ATAT1: variants seen among roughly 807,000 people sequenced by gnomAD.
ATAT1 encodes the protein alpha-tubulin N-acetyltransferase 1.
In ATAT1, 42 loss-of-function variants were observed where a neutral mutation model predicts 57.2. The ratio of observed to expected loss-of-function variants is 0.73; its 90% CI spans 0.57 to 0.95. ATAT1 has a LOEUF of 0.95. Ranked by LOEUF, ATAT1 falls within the 40% of genes least tolerant of loss-of-function variation. The probability of loss-of-function intolerance (pLI) is 0.00; values close to 1 mark genes in which losing one functional copy is unlikely to be tolerated. For synonymous variants in ATAT1, 168 were observed against 187.1 expected (o/e 0.90, Z 0.83); for missense variants, 454 against 523.7 (o/e 0.87, Z 1.30).
Position 30,642,833 on chromosome 6 carries a change from G to GGGGGGGCGGCC in ATAT1, c.754_755insGGGGGGCGGCC (p.Ala252GlyfsTer71). ...GGCCCCTCGCCGCGCCACACCTCCA[G>GGGGGGGCGGCC]CCCACCCACCCCCCCGCTCCAGCAG... On this transcript the variant is annotated frameshift_variant, in exon 10 of 13. Coordinates refer to ENST00000330083, the MANE Select transcript of ATAT1 (RefSeq NM_001031722.4). LOFTEE classifies it high-confidence loss of function. The GGGGGGGCGGCC allele has an allele frequency of 3.3e-6, 5 of 1,537,870 alleles. No individual in the cohort carries two copies. Among genetic ancestry groups the GGGGGGGCGGCC allele is most frequent in the African/African-American group, 1.6e-5 (1 of 61,252 alleles).
chr6:30,626,954 G>C lies in ATAT1; in HGVS notation c.-250G>C. ...TCACGGTGCTGGACCAGCACCTGAG[G>C]CCCCCAGCCCGCCGACCCGGAACCA... On this transcript the variant is annotated 5_prime_UTR_variant, in exon 1 of 13. Coordinates refer to ENST00000330083, the MANE Select transcript of ATAT1 (RefSeq NM_001031722.4). 6.2e-7 allele frequency: 1 copy of C among 1,606,684 alleles called. No individual in the cohort carries two copies. Among genetic ancestry groups the C allele is most frequent in the South Asian group, 1.1e-5 (1 of 89,980 alleles).
At position 30,627,237 on chromosome 6, in the gene ATAT1, A is replaced by G. The variant is rs763589385; in HGVS notation, c.34A>G (p.Ile12Val). ...GACCTGGCCTTTCTGCTTCCTCACAATAACCTTAAGGGAGGAGGGAGTGTG... is the reference window on the plus strand; with the variant it reads ...GACCTGGCCTTTCTGCTTCCTCACAGTAACCTTAAGGGAGGAGGGAGTGTG... Residue 12 changes from isoleucine to valine, a missense_variant, in exon 1 of 13, where the codon ATA becomes GTA. Coordinates refer to ENST00000330083, the MANE Select transcript of ATAT1 (RefSeq NM_001031722.4). 5.0e-6 allele frequency: 8 copies of G among 1,613,874 alleles called. No homozygotes were observed. The highest frequency in any genetic ancestry group is 5.9e-6 in the Non-Finnish European group (7 of 1,179,850).
intron 6 of ATAT1, among the ~76,000 whole-genome samples, chr6:30,639,691 A>G (rs1050055395): frequency 3.2e-4 from 48 of 150,698 alleles, no homozygotes; most frequent in Admixed American, 4.6e-4. Context: ...GTTAGCCAGG[A>G]TGGTCTCGAT....
intron 6 of ATAT1, among the ~76,000 whole-genome samples, chr6:30,636,220 G>A (rs1418758845): frequency 1.3e-5 from 2 of 152,164 alleles, no homozygotes; most frequent in African/African-American, 4.8e-5. Context: ...GCAAGTGTTT[G>A]TCAGGTGGAC....
intron 8 of ATAT1, among the ~76,000 whole-genome samples, chr6:30,641,361 T>C (rs1765404516): frequency 1.3e-5 from 2 of 152,196 alleles, no homozygotes; most frequent in Non-Finnish European, 2.9e-5. Flanking sequence ...CGCTTTGGTT[T>C]CCAAGGCTTC....
At chr6:30,631,934 T>C (rs1451316028) in intron 6 of ATAT1, among the ~76,000 whole-genome samples, 2 of 151,892 alleles carry the variant, frequency 1.3e-5, no homozygotes, top group Non-Finnish European at 2.9e-5. Flanking sequence ...CGGAGGAGTA[T>C]GGTAGGAGAT....
At position 30,640,423 on chromosome 6, in the gene ATAT1, G is replaced by A. The variant is rs773787831; in HGVS notation, c.547+1G>A. 4 of 1,612,802 alleles carry A rather than the reference G, an allele frequency of 2.5e-6. No homozygotes were observed. Among genetic ancestry groups the A allele is most frequent in the African/African-American group, 1.3e-5 (1 of 74,856 alleles). On this transcript the variant is annotated splice_donor_variant, in intron 7 of 12. Transcript: ENST00000330083. LOFTEE classifies it high-confidence loss of function. The stretch of plus-strand genomic sequence containing the variant: ...GAAGGCTTCTTTGCCCATCAACATC[G>A]TAAGTTTTTGCATTTTGTTGGTCAC...
rs1435030086 is a variant in ATAT1 at position 30,646,636 on chromosome 6, C to G, written c.1223C>G (p.Pro408Arg). The G allele has an allele frequency of 5.8e-6, 9 of 1,560,632 alleles. No homozygotes were observed. The highest frequency in any genetic ancestry group is 6.9e-6 in the Non-Finnish European group (8 of 1,152,300). ...CTGCAGGAACGTCGCAGCACCAGGC[C>G]TTGGTGACCGCAGCCCCGTCAAACA... The change falls in exon 13 of 13, where the codon CCT (proline) becomes CGT (arginine). Residue 408 changes from proline (P) to arginine (R), a missense_variant. By Grantham distance (103) the Pro-to-Arg change is moderately radical. Coordinates refer to ENST00000330083, the MANE Select transcript of ATAT1 (RefSeq NM_001031722.4).
At position 30,628,336 on chromosome 6, in the gene ATAT1, G is replaced by A. The variant is rs1401987064; in HGVS notation, c.407G>A (p.Arg136Gln). ...GTCTCCTTTTCCCTGCAGAAGGAGC[G>A]AGTGGAACCGCACCAACTGGCAATT... is the stretch of plus-strand genomic sequence containing the variant. The change falls in exon 6 of 13, where the codon CGA becomes CAA. Residue 136 changes from arginine (R) to glutamine (Q), a missense_variant. Physicochemically the swap from Arg to Gln is conservative, Grantham distance 43 (BLOSUM62 1). Around this residue, in one of 3 missense-constraint regions of ATAT1, gnomAD observed 236 missense variants for 284.5 expected, o/e 0.83. Transcript: ENST00000330083. The A allele has an allele frequency of 2.5e-6, 4 of 1,612,944 alleles. No homozygotes were observed. The highest frequency in any genetic ancestry group is 1.7e-5 in the Admixed American group (1 of 60,006).
chr6:30,646,813 T>C lies in ATAT1; in HGVS notation c.*170T>C. 1.7e-6 allele frequency: 2 copies of C among 1,179,114 alleles called. No individual in the cohort carries two copies. The highest frequency in any genetic ancestry group is 2.3e-6 in the Non-Finnish European group (2 of 885,300). 73.0% of individuals were successfully genotyped at this position (1,179,114 alleles called of 1,614,324 possible). A position where few individuals can be genotyped will look rare whatever the true frequency, so the allele number is the denominator to read the frequency against. ...ACCAGACCAATAAAAGTATTTATTT[T>C]TATCACAAGAGCTGTTGAAAAATTT... On this transcript the variant is annotated 3_prime_UTR_variant, in exon 13 of 13. Coordinates refer to ENST00000330083, the MANE Select transcript of ATAT1 (RefSeq NM_001031722.4).
chr6:30,646,503 G>T lies in ATAT1; in HGVS notation c.1090G>T (p.Gly364Trp). The change falls in exon 13 of 13, where the codon GGG becomes TGG. Residue 364 changes from glycine (G) to tryptophan (W), a missense_variant. Gly to Trp is a radical substitution (Grantham distance 184). Coordinates refer to ENST00000330083, the MANE Select transcript of ATAT1 (RefSeq NM_001031722.4). ...TGAGGAGCAGGCCTTGTCACAGGAT[G>T]GGTCTGGGGAGAAGCCCATGCACAC... 1 of 1,597,120 alleles carries T rather than the reference G, an allele frequency of 6.3e-7. No homozygotes were observed.
chr6:30,645,879 C>T lies in ATAT1; in HGVS notation c.933-16C>T. ...TCCAGTAGCCTCCTCCCCATCATCT[C>T]CCATTTCTTCTACAGGGGGACTCCC... On this transcript the variant is annotated splice_polypyrimidine_tract_variant and intron_variant, in intron 10 of 12. Transcript: ENST00000330083. The T allele has an allele frequency of 6.8e-7, 1 of 1,469,842 alleles. No individual in the cohort carries two copies. Among genetic ancestry groups the T allele is most frequent in the Non-Finnish European group, 9.0e-7 (1 of 1,110,076 alleles). The allele number at this position is 1,469,842 out of a possible 1,614,324, so 91.0% of individuals were successfully genotyped here.
Position 30,642,833 on chromosome 6 carries a change from G to GGGGCGGGCCCCCCCCC in ATAT1, c.754_755insGGGCGGGCCCCCCCCC (p.Ala252GlyfsTer53). On this transcript the variant is annotated frameshift_variant, in exon 10 of 13. Coordinates refer to ENST00000330083, the MANE Select transcript of ATAT1 (RefSeq NM_001031722.4). LOFTEE classifies it high-confidence loss of function. ...GGCCCCTCGCCGCGCCACACCTCCA[G>GGGGCGGGCCCCCCCCC]CCCACCCACCCCCCCGCTCCAGCAG... 6.5e-7 allele frequency: 1 copy of GGGGCGGGCCCCCCCCC among 1,537,878 alleles called. No individual in the cohort carries two copies. Among genetic ancestry groups the GGGGCGGGCCCCCCCCC allele is most frequent in the Non-Finnish European group, 8.7e-7 (1 of 1,145,784 alleles).
chr6:30,641,666 A>G (rs1765486174), intron 8 of ATAT1: 1 of 552,230 alleles, frequency 1.8e-6, no homozygotes, highest in African/African-American at 2.1e-5. Context: ...TTTTAACCTA[A>G]TAAAACTTCA....
rs1765756294 is a variant in ATAT1, at chr6:30,642,782, G to A, written c.703G>A (p.Val235Met). The A allele has an allele frequency of 6.2e-7, 1 of 1,610,226 alleles. No individual in the cohort carries two copies. The highest frequency in any genetic ancestry group is 8.5e-7 in the Non-Finnish European group (1 of 1,178,596). Residue 235 changes from valine to methionine, a missense_variant, in exon 10 of 13, where the codon GTG becomes ATG. Physicochemically the swap from Val to Met is conservative, Grantham distance 21 (BLOSUM62 1). This residue lies in a region of ATAT1 where 2 missense variants were observed against 17.0 expected (regional missense o/e 0.12). Coordinates refer to ENST00000330083, the MANE Select transcript of ATAT1 (RefSeq NM_001031722.4). ...CCTGTCCCCAGTTCTGAAGGTAGCTGTGGAGCCTCCTTGGCCCCTAAACAG... is the reference window on the plus strand; with the variant it reads ...CCTGTCCCCAGTTCTGAAGGTAGCTATGGAGCCTCCTTGGCCCCTAAACAG...
Position 30,628,236 on chromosome 6 carries a change from C to T in ATAT1, c.399+91C>T, listed in dbSNP as rs1417691076. 2.0e-6 allele frequency: 3 copies of T among 1,530,540 alleles called. No individual in the cohort carries two copies. The African/African-American group carries it at 4.1e-5, about 21-fold the overall frequency. The allele number at this position is 1,530,540 out of a possible 1,614,324, so 94.8% of individuals were successfully genotyped here. A position where few individuals can be genotyped will look rare whatever the true frequency, so the allele number is the denominator to read the frequency against. On this transcript the variant is annotated intron_variant, in intron 5 of 12. Coordinates refer to ENST00000330083, the MANE Select transcript of ATAT1 (RefSeq NM_001031722.4). ...GCCCTGCCTCCCACCCCCCATGTTC[C>T]CATGTCATTCTATTCCCTTCCCAGG...
In ATAT1 at chr6:30,642,836, C is replaced by CCCCCCCCCCCCCCCCCCCCCCCCCCGG; in HGVS notation, c.757_758insCCCCCCCCCCCCCCCCCCCCCCCCCGG (p.His253delinsProProProProProProProProProAsp). ...CCCTCGCCGCGCCACACCTCCAGCC[C>CCCCCCCCCCCCCCCCCCCCCCCCCCGG]ACCCACCCCCCCGCTCCAGCAGCCT... On this transcript the variant is annotated protein_altering_variant, in exon 10 of 13. Coordinates refer to ENST00000330083, the MANE Select transcript of ATAT1 (RefSeq NM_001031722.4). The CCCCCCCCCCCCCCCCCCCCCCCCCCGG allele has an allele frequency of 1.6e-6, 1 of 615,862 alleles. No individual in the cohort carries two copies. 38.1% of individuals were successfully genotyped at this position (615,862 alleles called of 1,614,324 possible). A position where few individuals can be genotyped will look rare whatever the true frequency, so the allele number is the denominator to read the frequency against.
chr6:30,646,114 G>C lies in ATAT1; in HGVS notation c.1055+5G>C, dbSNP rs544806611. 1.1e-5 allele frequency: 18 copies of C among 1,607,254 alleles called. No homozygotes were observed. The highest frequency in any genetic ancestry group is 1.5e-5 in the Non-Finnish European group (18 of 1,176,790). On this transcript the variant is annotated splice_donor_5th_base_variant and intron_variant, in intron 12 of 12. Transcript: ENST00000330083. ...AGAACAGGAAACAAAGAATAGGTGA[G>C]GTCTAAACCCCTCCCCTAACAGCCT...
chr6:30,628,893 G>A (rs1045184177), intron 6 of ATAT1, among the ~76,000 whole-genome samples: 1 of 149,416 alleles, frequency 6.7e-6, no homozygotes, highest in Non-Finnish European at 1.5e-5. Context: ...GTGAGCCACC[G>A]CATCTGACTT....
Sources: gnomAD v4.1 joint callset for allele counts (sites outside exome capture counted in the v4.1 genomes callset) on GRCh38, gnomAD v4.1.1 for gene constraint, gnomAD v4.1.1 regional missense constraint, MANE v1.5 for transcripts, NCBI Gene and HGNC (gene_info 2026-07-23, HGNC 2026-07-21) for gene names.